The following ABCC9 variants were observed in gnomAD, a reference collection of about 807,000 sequenced individuals.
ABCC9 encodes ATP binding cassette subfamily C member 9.
A neutral mutation model predicts 188.3 loss-of-function variants in ABCC9; 95 were observed. That is an observed-to-expected ratio of 0.50 (90% confidence interval 0.43 to 0.60). The LOEUF (loss-of-function observed/expected upper bound fraction) is 0.60, where lower values mean the gene tolerates loss of function less well. Among genes scored for constraint, ABCC9 ranks in the 20% least tolerant of loss-of-function variants. ABCC9 has a pLI of 0.00. For synonymous variants in ABCC9, 659 were observed against 652.7 expected, an observed-to-expected ratio of 1.01 and a Z score of -0.15; for missense variants, 1,102 against 1,876.3, an observed-to-expected ratio of 0.59 and a Z score of 7.62.
intron 29 of ABCC9, 109 bp from the exon 30 acceptor site, chr12:21,838,279 T>G: frequency 1.1e-6 from 1 of 882,848 alleles, no homozygotes; most frequent in East Asian, 2.5e-5. Flanking sequence ...TTTTCCTCAT[T>G]GAAATTTTTT....
At chr12:21,918,387 G>A (rs1367598375) in intron 5 of ABCC9, among the ~76,000 whole-genome samples, 1 of 152,002 alleles carries the variant, frequency 6.6e-6, no homozygotes, top group African/African-American at 2.4e-5. Context: ...AACATCTTCA[G>A]ATTGTACCTT....
chr12:21,848,339 C>T (rs779493958), intron 24 of ABCC9, 93 bp from the exon 25 acceptor site: 2 of 1,094,646 alleles, frequency 1.8e-6, no homozygotes, highest in African/African-American at 1.5e-5. Flanking sequence ...GGTTAGTTAC[C>T]TTTACCAATC....
intron 28 of ABCC9, among the ~76,000 whole-genome samples, chr12:21,842,677 GTCTA>G (rs1944456031): frequency 6.6e-6 from 1 of 152,108 alleles, no homozygotes; most frequent in African/African-American, 2.4e-5. Flanking sequence ...TTGATTAGTT[GTCTA>G]TCTACCTATT....
chr12:21,801,619 C>T (rs879854065), intron 39 of ABCC9, among the ~76,000 whole-genome samples: 3 of 152,078 alleles, frequency 2.0e-5, no homozygotes, highest in Admixed American at 6.6e-5. Context: ...GGTTTAGTTC[C>T]GGGATGACAA....
chr12:21,824,612 A>G (rs973774281), intron 31 of ABCC9, among the ~76,000 whole-genome samples: 2 of 152,186 alleles, frequency 1.3e-5, no homozygotes, highest in African/African-American at 2.4e-5. Context: ...CTGTGAATCC[A>G]TCTGGTCCTG....
At chr12:21,884,929 G>C (rs1946798589) in intron 15 of ABCC9, among the ~76,000 whole-genome samples, 2 of 152,108 alleles carry the variant, frequency 1.3e-5, no homozygotes, top group African/African-American at 4.8e-5. Flanking sequence ...ATACAAAACA[G>C]GTCTACACCT....
intron 12 of ABCC9, among the ~76,000 whole-genome samples, chr12:21,899,977 T>C (rs1200743455): frequency 1.3e-5 from 2 of 152,156 alleles, no homozygotes; most frequent in Non-Finnish European, 2.9e-5. Flanking sequence ...TCTCCTAGCA[T>C]GGAGTTTGGG....
In ABCC9 at chr12:21,798,211, CAATAT is replaced by C. The variant is rs1408073593; in HGVS notation, c.*2828_*2832del. ...AGGCTTCTACTGATGTTGCCTGTAG[CAATAT>C]AATAAGAAAATATCATTAAAAGATT... On this transcript the variant is annotated 3_prime_UTR_variant, in exon 40 of 40. Coordinates refer to ENST00000261200, the MANE Select transcript of ABCC9 (RefSeq NM_020297.4). The C allele has an allele frequency of 1.3e-5, 2 of 152,094 alleles. No homozygotes were observed. Among genetic ancestry groups the C allele is most frequent in the Non-Finnish European group, 2.9e-5 (2 of 68,018 alleles). The allele number at this position is 152,094 out of a possible 1,614,324, so 9.4% of individuals were successfully genotyped here.
At chr12:21,829,360 C>CG (rs1389115862) in intron 30 of ABCC9, among the ~76,000 whole-genome samples, 2 of 151,820 alleles carry the variant, frequency 1.3e-5, no homozygotes, top group Non-Finnish European at 2.9e-5. Flanking sequence ...CGCCACCATG[C>CG]CCGGCTAATT....
intron 22 of ABCC9, among the ~76,000 whole-genome samples, chr12:21,854,461 A>T (rs900248906): frequency 6.6e-6 from 1 of 152,234 alleles, no homozygotes. Flanking sequence ...TAAATGGATG[A>T]TATAATCAGT....
chr12:21,915,514 A>ATATATATATATATTTTT lies in ABCC9; in HGVS notation c.816+153_816+154insAAAAATATATATATATA. Among the ~76,000 whole-genome samples, 7 of 3,522 alleles carry ATATATATATATATTTTT rather than the reference A, an allele frequency of 2.0e-3. 2 individuals are homozygous for ATATATATATATATTTTT. Among genetic ancestry groups the ATATATATATATATTTTT allele is most frequent in the African/African-American group, 2.2e-3 (2 of 924 alleles). 2.3% of individuals were successfully genotyped at this position (3,522 alleles called of 152,430 possible). A position where few individuals can be genotyped will look rare whatever the true frequency, so the allele number is the denominator to read the frequency against. On this transcript the variant is annotated intron_variant, in intron 7 of 39. Transcript: ENST00000261200. ...TGTGTGTGTGTGTATATATATATAT[A>ATATATATATATATTTTT]TTTTTTTTTTTTTTTTGAGACAGAG...
intron 34 of ABCC9, 88 bp downstream of exon 34, chr12:21,815,675 T>C (rs978862339): frequency 1.3e-6 from 2 of 1,521,112 alleles, no homozygotes; most frequent in Admixed American, 1.7e-5. Flanking sequence ...CTTACTTGGC[T>C]GGGAAGTATG....
At chr12:21,904,836 A>C (rs959197506) in intron 12 of ABCC9, among the ~76,000 whole-genome samples, 1 of 152,170 alleles carries the variant, frequency 6.6e-6, no homozygotes, top group African/African-American at 2.4e-5. Flanking sequence ...TCGTGGGACT[A>C]TAAACTGGTT....
At chr12:21,902,204 A>G (rs1052771027) in intron 12 of ABCC9, among the ~76,000 whole-genome samples, 24 of 152,240 alleles carry the variant, frequency 1.6e-4, no homozygotes, top group African/African-American at 5.5e-4. Flanking sequence ...ACCACTGGGT[A>G]CATAACGAAA....
Position 21,815,825 on chromosome 12 carries a change from A to G in ABCC9, c.3961T>C (p.Tyr1321His), listed in dbSNP as rs768500484. The G allele has an allele frequency of 6.2e-7, 1 of 1,613,496 alleles. No homozygotes were observed. The highest frequency in any genetic ancestry group is 8.5e-7 in the Non-Finnish European group (1 of 1,179,688). The change falls in exon 34 of 40, where the codon TAT (tyrosine) becomes CAT (histidine). Residue 1321 changes from tyrosine to histidine, a missense_variant. By Grantham distance (83) the Tyr-to-His change is moderately conservative. Transcript: ENST00000261200. ...AGAACAGGTTTCAGATTATTTTCATATCTGACACACAGATCATGTATCTTG... is the reference window on the plus strand; with the variant it reads ...AGAACAGGTTTCAGATTATTTTCATGTCTGACACACAGATCATGTATCTTG... ...EIKIHDLCVR[Y>H]ENNLKPVLKH...
At chr12:21,909,995 C>T (rs895110140) in intron 10 of ABCC9, among the ~76,000 whole-genome samples, 162 bp downstream of exon 10, 3 of 151,892 alleles carry the variant, frequency 2.0e-5, no homozygotes, top group African/African-American at 7.2e-5. Flanking sequence ...TCTTGCTTAA[C>T]CTATGCTATA....
intron 38 of ABCC9, 81 bp from the exon 39 acceptor site, chr12:21,806,141 A>T: frequency 8.1e-7 from 1 of 1,238,694 alleles, no homozygotes; most frequent in Admixed American, 1.8e-5. Flanking sequence ...TCAATATTCC[A>T]CTGAATCCCT....
intron 7 of ABCC9, 88 bp from the exon 8 acceptor site, chr12:21,913,154 C>G (rs1220509376): frequency 6.8e-6 from 8 of 1,170,568 alleles, no homozygotes; most frequent in Non-Finnish European, 9.7e-6. Flanking sequence ...GAAATTCCTT[C>G]TTATACTTCA....
chr12:21,903,407 A>G (rs868448331), intron 12 of ABCC9, among the ~76,000 whole-genome samples: 1 of 152,316 alleles, frequency 6.6e-6, no homozygotes, highest in African/African-American at 2.4e-5. Context: ...CCTATTCAGC[A>G]TAGTGTTGGA....
Sources: gnomAD v4.1 joint callset for allele counts (sites outside exome capture counted in the v4.1 genomes callset) on GRCh38, gnomAD v4.1.1 for gene constraint, MANE v1.5 for transcripts, NCBI Gene and HGNC (gene_info 2026-07-23, HGNC 2026-07-21) for gene names.